The following MICALL1 variants were observed in gnomAD, a reference collection of about 807,000 sequenced individuals.
MICALL1 encodes MICAL like 1, also known as MICAL-like protein 1.
In MICALL1, 61 loss-of-function variants were observed where a neutral mutation model predicts 83.7. The ratio of observed to expected loss-of-function variants is 0.73; its 90% CI spans 0.59 to 0.90. MICALL1 has a LOEUF of 0.90. MICALL1 is among the 40% of genes least tolerant of loss of function. The pLI, the probability that MICALL1 is intolerant of heterozygous loss-of-function variation, is 0.00. For missense variants in MICALL1, 1,066 were observed against 1,152.0 expected (o/e 0.93, Z 1.08); for synonymous variants, 481 against 473.6 (o/e 1.02, Z -0.20).
Position 37,933,129 on chromosome 22 carries a change from G to A in MICALL1, c.2308+17G>A. On this transcript the variant is annotated intron_variant, in intron 13 of 15. Transcript: ENST00000215957. ...ATAAGCCAGGTGAGTGCAGCCACTG[G>A]CACTCCCCTGGCACCTGCCCTGGGG... 3.7e-6 allele frequency: 6 copies of A among 1,612,818 alleles called. No individual in the cohort carries two copies. The highest frequency in any genetic ancestry group is 5.1e-6 in the Non-Finnish European group (6 of 1,179,578).
In MICALL1 at chr22:37,930,248, C is replaced by T. The variant is rs1388345310; in HGVS notation, c.1882-1551C>T. 6.6e-6 allele frequency among the ~76,000 whole-genome samples: 1 copy of T among 152,132 alleles called. No homozygotes were observed. Among genetic ancestry groups the T allele is most frequent in the Non-Finnish European group, 1.5e-5 (1 of 68,008 alleles). ...GTGTGTTAGAGGGAGGGGGCAGAAC[C>T]CCGGGTGCACTTGCTTGTGGGGAAC... On this transcript the variant is annotated intron_variant, in intron 9 of 15. Transcript: ENST00000215957. This position sits in a 1 kb window ranked among gnomAD's most constrained non-coding sequence, Gnocchi z 4.8.
At position 37,938,908 on chromosome 22, in the gene MICALL1, C is replaced by T. The variant is rs145803098; in HGVS notation, c.2470+1116C>T. On this transcript the variant is annotated intron_variant, in intron 15 of 15. Coordinates refer to ENST00000215957, the MANE Select transcript of MICALL1 (RefSeq NM_033386.4). Reference sequence around the variant, plus strand: ...GATTATAGGTGTGAGCCACTGCGCCCGGCCCTGGCTAATTTTTTTGTATTT... The same window carrying T: ...GATTATAGGTGTGAGCCACTGCGCCTGGCCCTGGCTAATTTTTTTGTATTT... Among the ~76,000 whole-genome samples the T allele has an allele frequency of 2.9e-3, 446 of 151,950 alleles. 4 individuals are homozygous for T. Among genetic ancestry groups the T allele is most frequent in the African/African-American group, 0.01 (425 of 41,448 alleles).
intron 5 of MICALL1, 127 bp from the exon 6 acceptor site, chr22:37,921,844 TG>T: frequency 1.3e-6 from 1 of 790,410 alleles, no homozygotes; most frequent in Non-Finnish European, 2.0e-6. Flanking sequence ...GTCTAGGGTA[TG>T]GAGTCGAGCT....
chr22:37,927,844 C>A lies in MICALL1; in HGVS notation c.1881+18C>A. 6.3e-7 allele frequency: 1 copy of A among 1,584,132 alleles called. No individual in the cohort carries two copies. The highest frequency in any genetic ancestry group is 1.1e-5 in the South Asian group (1 of 88,268). On this transcript the variant is annotated intron_variant, in intron 9 of 15. Transcript: ENST00000215957. ...AGGTAAAGGTGAGTGCCCCCTCACC[C>A]TCACTAAAAGTGACATCCTCTCTAG...
At chr22:37,939,769 G>A (rs1472979313) in intron 15 of MICALL1, among the ~76,000 whole-genome samples, 11 of 75,396 alleles carry the variant, frequency 1.5e-4, no homozygotes, top group East Asian at 4.2e-4. Context: ...ACAAGTCTCC[G>A]TCTCAAAAAA....
At chr22:37,927,346 G>A (rs1172838854) in intron 8 of MICALL1, 65 bp from the exon 9 acceptor site, 1 of 1,459,428 alleles carries the variant, frequency 6.9e-7, no homozygotes, top group African/African-American at 1.4e-5. Flanking sequence ...AGTGGAGCCG[G>A]GAGGTGGGGC....
At position 37,924,564 on chromosome 22, in the gene MICALL1, G is replaced by C; in HGVS notation, c.1025-96G>C. 7 of 1,228,330 alleles carry C rather than the reference G, an allele frequency of 5.7e-6. No homozygotes were observed. The highest frequency in any genetic ancestry group is 8.1e-6 in the Non-Finnish European group (7 of 860,912). The allele number at this position is 1,228,330 out of a possible 1,614,324, so 76.1% of individuals were successfully genotyped here. A position where few individuals can be genotyped will look rare whatever the true frequency, so the allele number is the denominator to read the frequency against. ...GGTGCGAGGGTGCCAGGAGGAAGGC[G>C]GGGCGCTCCTGGGGAGGCAGGTGCT... On this transcript the variant is annotated intron_variant, in intron 6 of 15. Coordinates refer to ENST00000215957, the MANE Select transcript of MICALL1 (RefSeq NM_033386.4). The surrounding 1 kb of genome is among the most constrained non-coding windows in gnomAD (Gnocchi z 5.2).
chr22:37,931,848 C>T lies in MICALL1; in HGVS notation c.1931C>T (p.Ser644Phe), dbSNP rs1929805839. The T allele has an allele frequency of 6.2e-7, 1 of 1,614,132 alleles. No individual in the cohort carries two copies. Among genetic ancestry groups the T allele is most frequent in the Non-Finnish European group, 8.5e-7 (1 of 1,180,024 alleles). ...AACCGGAAGCCATCACCTGCAGCGT[C>T]CCCAGCCACAAAGAAGGCCACCAAG... ...PFNRKPSPAA[S>F]PATKKATKGS... The change falls in exon 10 of 16, where the codon TCC becomes TTC. Residue 644 changes from serine (S) to phenylalanine (F), a missense_variant. Ser to Phe is a radical substitution (Grantham distance 155, BLOSUM62 -2). Coordinates refer to ENST00000215957, the MANE Select transcript of MICALL1 (RefSeq NM_033386.4).
chr22:37,919,435 G>A (rs1487337974), intron 5 of MICALL1, among the ~76,000 whole-genome samples: 2 of 152,200 alleles, frequency 1.3e-5, no homozygotes, highest in Non-Finnish European at 2.9e-5. Context: ...ACTACTGGAT[G>A]AGGATGAAGG....
chr22:37,921,900 G>A, intron 5 of MICALL1, 72 bp from the exon 6 acceptor site: 2 of 1,423,006 alleles, frequency 1.4e-6, no homozygotes, highest in Non-Finnish European at 1.9e-6. Context: ...AGCCCTGGGT[G>A]CGGCTGGAGG....
Position 37,927,918 on chromosome 22 carries a change from A to AT in MICALL1, c.1881+99dup, listed in dbSNP as rs1929569818. ...CAGAAATGTCCAGGGCCTTTTCTTA[A>AT]TTTTTTTGAGATGGAGTCTCTCTCT... On this transcript the variant is annotated intron_variant, in intron 9 of 15. Coordinates refer to ENST00000215957, the MANE Select transcript of MICALL1 (RefSeq NM_033386.4). 21 of 1,367,014 alleles carry AT rather than the reference A, an allele frequency of 1.5e-5. 1 individual carries two copies. The South Asian group carries it at 2.9e-4, about 19-fold the overall frequency. The allele number at this position is 1,367,014 out of a possible 1,614,324, so 84.7% of individuals were successfully genotyped here. A position where few individuals can be genotyped will look rare whatever the true frequency, so the allele number is the denominator to read the frequency against.
In MICALL1 at chr22:37,906,453, T is replaced by G; in HGVS notation, c.31T>G (p.Trp11Gly). 8.3e-7 allele frequency: 1 copy of G among 1,200,718 alleles called. No homozygotes were observed. The highest frequency in any genetic ancestry group is 1.0e-6 in the Non-Finnish European group (1 of 964,312). The allele number at this position is 1,200,718 out of a possible 1,614,324, so 74.4% of individuals were successfully genotyped here. Residue 11 changes from tryptophan (W) to glycine (G), a missense_variant, in exon 1 of 16, where the codon TGG (tryptophan) becomes GGG (glycine). Transcript: ENST00000215957. This position sits in a 1 kb window ranked among gnomAD's most constrained non-coding sequence, Gnocchi z 4.4. Reference sequence around the variant, plus strand: ...TGGGCCGCGGGGCGCGCTGCTGGCCTGGTGCCGCCGCCAGTGCGAGGGCTA... The same window carrying G: ...TGGGCCGCGGGGCGCGCTGCTGGCCGGGTGCCGCCGCCAGTGCGAGGGCTA... MAGPRGALLAWCRRQCEGYRG... is the reference protein window; with the variant it reads MAGPRGALLAGCRRQCEGYRG...
intron 2 of MICALL1, 37 bp downstream of exon 2, chr22:37,912,037 GTGTA>G (rs1286864390): frequency 1.9e-6 from 3 of 1,577,624 alleles, no homozygotes; most frequent in Non-Finnish European, 1.7e-6. Flanking sequence ...AAGAGGCTCT[GTGTA>G]TGTGTGTGTG....
intron 3 of MICALL1, 142 bp downstream of exon 3, chr22:37,912,634 T>C (rs1928406261): frequency 2.7e-6 from 2 of 751,752 alleles, no homozygotes; most frequent in African/African-American, 1.8e-5. Context: ...AATTCACTCA[T>C]TGAAATATTT....
intron 3 of MICALL1, among the ~76,000 whole-genome samples, chr22:37,915,645 C>CTTT (rs34900801): frequency 3.8e-5 from 5 of 133,118 alleles, no homozygotes; most frequent in African/African-American, 5.5e-5. Context: ...GATTAGTATT[C>CTTT]TTTTTTTTTT....
chr22:37,937,529 T>C (rs1359751209), intron 14 of MICALL1, among the ~76,000 whole-genome samples: 5 of 150,890 alleles, frequency 3.3e-5, no homozygotes, highest in Non-Finnish European at 4.4e-5. Flanking sequence ...GTTCAAGCGA[T>C]TCTCCTACCT....
rs1483521830 is a variant in MICALL1 at position 37,925,980 on chromosome 22, C to T, written c.1402C>T (p.Pro468Ser). 2 of 1,613,784 alleles carry T rather than the reference C, an allele frequency of 1.2e-6. No homozygotes were observed. The highest frequency in any genetic ancestry group is 1.7e-6 in the Non-Finnish European group (2 of 1,179,976). ...CCTGCACCCCTGGTACGGCATCACC[C>T]CTACCAGCAGCCCCAAGACAAAGAA... Reference protein sequence around the residue: ...KSLHPWYGITPTSSPKTKKRP... With the variant: ...KSLHPWYGITSTSSPKTKKRP... The change falls in exon 8 of 16, where the codon CCT becomes TCT. Residue 468 changes from proline to serine, a missense_variant. By Grantham distance (74) the Pro-to-Ser change is moderately conservative. Coordinates refer to ENST00000215957, the MANE Select transcript of MICALL1 (RefSeq NM_033386.4).
Position 37,922,242 on chromosome 22 carries a change from C to A in MICALL1, c.840C>A (p.Ile280=). 1.3e-6 allele frequency: 2 copies of A among 1,599,766 alleles called. No individual in the cohort carries two copies. Among genetic ancestry groups the A allele is most frequent in the Non-Finnish European group, 1.7e-6 (2 of 1,173,736 alleles). The change falls in exon 6 of 16, where the codon ATC becomes ATA. Residue 280 remains isoleucine (I), a synonymous_variant. Transcript: ENST00000215957. ...CCAGCCCTGAGGCCCGGCCGCAGAT[C>A]CCTACCAAGCCCCGGGTTCCTGGCA... ...PKASPEARPQ[I]PTKPRVPGKL...
In MICALL1 at chr22:37,931,948, C is replaced by G; in HGVS notation, c.2016+15C>G. 1 of 1,611,382 alleles carries G rather than the reference C, an allele frequency of 6.2e-7. No individual in the cohort carries two copies. The highest frequency in any genetic ancestry group is 8.5e-7 in the Non-Finnish European group (1 of 1,178,980). ...TCAAACGCAAGGTACCAGCTGGGAG[C>G]CCCCCGAGACCAGGCTGGCCTGGGC... On this transcript the variant is annotated intron_variant, in intron 10 of 15. Coordinates refer to ENST00000215957, the MANE Select transcript of MICALL1 (RefSeq NM_033386.4).
Sources: gnomAD v4.1 joint callset for allele counts (sites outside exome capture counted in the v4.1 genomes callset) on GRCh38, gnomAD v4.1.1 for gene constraint, Gnocchi (gnomAD v3.1) non-coding constraint, MANE v1.5 for transcripts, NCBI Gene and HGNC (gene_info 2026-07-23, HGNC 2026-07-21) for gene names.